The following CCDC73 variants were observed in gnomAD, a reference collection of about 807,000 sequenced individuals.
CCDC73 encodes the protein coiled-coil domain containing 73.
A neutral mutation model predicts 116.5 loss-of-function variants in CCDC73; 95 were observed. The observed-to-expected ratio is 0.82, with a 90% CI of 0.69 to 0.97. The LOEUF (loss-of-function observed/expected upper bound fraction) is 0.97. Among genes scored for constraint, CCDC73 ranks in the 50% least tolerant of loss-of-function variants. The probability of loss-of-function intolerance (pLI) is 0.00; values close to 1 mark genes in which losing one functional copy is unlikely to be tolerated. For synonymous variants in CCDC73, 398 were observed against 401.3 expected (o/e 0.99, Z 0.10); for missense variants, 1,066 against 1,206.8 (o/e 0.88, Z 1.73).
intron 2 of CCDC73, among the ~76,000 whole-genome samples, chr11:32,759,423 T>A (rs1272602543): frequency 6.7e-6 from 1 of 149,160 alleles, no homozygotes; most frequent in Non-Finnish European, 1.5e-5. Flanking sequence ...CTCCACCTCC[T>A]GGGTTCAAGC....
chr11:32,755,753 A>G (rs1401083402), intron 2 of CCDC73, among the ~76,000 whole-genome samples: 26 of 106,560 alleles, frequency 2.4e-4, no homozygotes, highest in African/African-American at 1.1e-3. Context: ...ATGTGTATAT[A>G]TATATATCTC....
chr11:32,830,206 A>C, the CCDC73 span: 1 of 1,072,822 alleles, frequency 9.3e-7, no homozygotes, highest in Non-Finnish European at 1.1e-6. Context: ...CTCGGCGGGG[A>C]GGGGGTTACC....
chr11:32,661,882 C>T (rs1172760237), intron 9 of CCDC73, among the ~76,000 whole-genome samples: 8 of 151,186 alleles, frequency 5.3e-5, no homozygotes, highest in African/African-American at 7.3e-5. Flanking sequence ...CCCCTTCCTG[C>T]GTCCATGTGT....
At position 32,699,879 on chromosome 11, in the gene CCDC73, A is replaced by AAAT. The variant is rs1391750014; in HGVS notation, c.316-555_316-554insATT. On this transcript the variant is annotated intron_variant, in intron 5 of 17. Transcript: ENST00000335185. ...ATGTACCCTAGAACTTAGATTAAAA[A>AAAT]ATATATATATATATATATATATAAA... Among the ~76,000 whole-genome samples, 6 of 57,372 alleles carry AAAT rather than the reference A, an allele frequency of 1.0e-4. No homozygotes were observed. The East Asian group carries it at 6.9e-3, about 66-fold the overall frequency. The allele number at this position is 57,372 out of a possible 152,430, so 37.6% of individuals were successfully genotyped here. A position where few individuals can be genotyped will look rare whatever the true frequency, so the allele number is the denominator to read the frequency against.
In CCDC73 at chr11:32,775,267, T is replaced by G. The variant is rs889119258; in HGVS notation, c.-15-15009A>C. On this transcript the variant is annotated intron_variant, in intron 1 of 17. Coordinates refer to ENST00000335185, the MANE Select transcript of CCDC73 (RefSeq NM_001008391.4). ...TTTCAGTTCAAAAATATACCAAATT[T>G]ATTCCAGCTTTAAGGCCTATAGGCT... Among the ~76,000 whole-genome samples, 9 of 152,272 alleles carry G rather than the reference T, an allele frequency of 5.9e-5. No individual in the cohort carries two copies. The South Asian group carries it at 1.7e-3, about 28-fold the overall frequency.
upstream of CCDC73, among the ~76,000 whole-genome samples, chr11:32,798,847 A>G (rs1176183631): frequency 6.8e-6 from 1 of 147,828 alleles, no homozygotes; most frequent in Non-Finnish European, 1.5e-5. Context: ...CAAATTAAAC[A>G]CTTTTTTTTC....
Position 32,642,015 on chromosome 11 carries a change from A to G in CCDC73, c.1007T>C (p.Leu336Pro). ...TAGTGCTTTTTCATGCTCATTTTGA[A>G]GATTAAGAAACTTTTCTTCATTTTC... ...VKENEEKFLN[L>P]QNEHEKALGT... The change falls in exon 13 of 18, where the codon CTT becomes CCT. Residue 336 changes from leucine to proline, a missense_variant. By Grantham distance (98) the Leu-to-Pro change is moderately conservative. Transcript: ENST00000335185. 1 of 1,564,314 alleles carries G rather than the reference A, an allele frequency of 6.4e-7. No individual in the cohort carries two copies. Among genetic ancestry groups the G allele is most frequent in the Non-Finnish European group, 8.7e-7 (1 of 1,153,664 alleles).
At chr11:32,727,029 A>G (rs987963846) in intron 2 of CCDC73, among the ~76,000 whole-genome samples, 29 of 152,206 alleles carry the variant, frequency 1.9e-4, no homozygotes, top group African/African-American at 6.5e-4. Flanking sequence ...CCATTCTGTC[A>G]GTTTCTCAGT....
intron 9 of CCDC73, among the ~76,000 whole-genome samples, chr11:32,663,831 C>G (rs1268055350): frequency 1.3e-5 from 2 of 152,036 alleles, no homozygotes; most frequent in Non-Finnish European, 2.9e-5. Flanking sequence ...ATAAATAGCT[C>G]TTATTATTTT....
At chr11:32,803,800 TTTTG>T in the CCDC73 span, among the ~76,000 whole-genome samples, 679 of 152,146 alleles carry the variant, frequency 4.5e-3, 11 homozygotes, top group African/African-American at 0.015. Context: ...AAACCTGGTG[TTTTG>T]TTTGTTTGTT....
intron 2 of CCDC73, among the ~76,000 whole-genome samples, chr11:32,754,709 G>T (rs564252748): frequency 2.6e-5 from 4 of 152,008 alleles, no homozygotes; most frequent in Admixed American, 2.6e-4. Context: ...TTAAAATACT[G>T]ACAGAACACA....
chr11:32,612,673 G>A (rs1483984607), intron 16 of CCDC73, among the ~76,000 whole-genome samples: 2 of 152,074 alleles, frequency 1.3e-5, no homozygotes, highest in East Asian at 3.9e-4. Context: ...GGAGGTTAAA[G>A]TTGCAGTGAG....
intron 13 of CCDC73, among the ~76,000 whole-genome samples, chr11:32,639,414 A>G (rs1303837094): frequency 1.3e-5 from 2 of 151,972 alleles, no homozygotes; most frequent in Non-Finnish European, 2.9e-5. Context: ...TCTAACACAT[A>G]GTATATGCTC....
At chr11:32,603,512 G>A (rs1565053027) in intron 17 of CCDC73, 2 of 152,176 alleles carry the variant, frequency 1.3e-5, no homozygotes, top group Non-Finnish European at 2.9e-5. Context: ...TGACATTTTG[G>A]TATTATTTGC....
intron 2 of CCDC73, among the ~76,000 whole-genome samples, chr11:32,729,490 T>C (rs1340902609): frequency 6.6e-6 from 1 of 152,198 alleles, no homozygotes. Context: ...TACGTGTGCA[T>C]GTATTAGTAT....
intron 1 of CCDC73, among the ~76,000 whole-genome samples, chr11:32,764,514 T>C: frequency 6.6e-6 from 1 of 152,098 alleles, no homozygotes; most frequent in East Asian, 1.9e-4. Flanking sequence ...AGCCAAACTA[T>C]GCTTCATAAA....
intron 14 of CCDC73, among the ~76,000 whole-genome samples, chr11:32,617,572 G>T (rs1855485017): frequency 6.6e-6 from 1 of 152,150 alleles, no homozygotes; most frequent in Non-Finnish European, 1.5e-5. Flanking sequence ...AGCAGTCCAG[G>T]TGATATCAGT....
At chr11:32,745,560 C>T (rs958694505) in intron 2 of CCDC73, among the ~76,000 whole-genome samples, 10 of 152,070 alleles carry the variant, frequency 6.6e-5, no homozygotes, top group African/African-American at 2.4e-4. Flanking sequence ...TCTCTAAGAA[C>T]TTGGTTTATG....
the CCDC73 span, among the ~76,000 whole-genome samples, chr11:32,824,516 G>C: frequency 6.6e-6 from 1 of 152,160 alleles, no homozygotes; most frequent in Non-Finnish European, 1.5e-5. Context: ...GAAGTGACTT[G>C]TTCAAAGTCA....
Sources: allele counts gnomAD v4.1 joint callset (sites outside exome capture counted in the v4.1 genomes callset), GRCh38; gene constraint gnomAD v4.1.1; transcripts MANE v1.5; gene names NCBI Gene and HGNC (gene_info 2026-07-23, HGNC 2026-07-21).